The following CDH18 variants were observed in gnomAD, a reference collection of about 807,000 sequenced individuals.
CDH18 encodes the protein cadherin-18.
A neutral mutation model predicts 67.9 loss-of-function variants in CDH18; 31 were observed. That is an observed-to-expected ratio of 0.46 (90% confidence interval 0.34 to 0.62). The LOEUF (loss-of-function observed/expected upper bound fraction) is 0.62, where lower values mean the gene tolerates loss of function less well. Among genes scored for constraint, CDH18 ranks in the 20% least tolerant of loss-of-function variants. The pLI, the probability that CDH18 is intolerant of heterozygous loss-of-function variation, is 0.01. For missense variants in CDH18, 890 were observed against 975.5 expected (o/e 0.91, Z 1.17); for synonymous variants, 362 against 347.2 (o/e 1.04, Z -0.48).
At chr5:19,499,922 T>G (rs1001959288) in intron 11 of CDH18, among the ~76,000 whole-genome samples, 25 of 152,198 alleles carry the variant, frequency 1.6e-4, no homozygotes, top group African/African-American at 5.8e-4. Context: ...GGGCTATGTC[T>G]GATTTCTGTT....
intron 8 of CDH18, among the ~76,000 whole-genome samples, chr5:19,558,979 C>G (rs75980691): frequency 0.012 from 1,803 of 151,962 alleles, 30 homozygotes; most frequent in African/African-American, 0.04. Flanking sequence ...TTACTATGAA[C>G]AAAGTTGTTC....
chr5:20,024,060 T>C (rs1439075804), intron 2 of CDH18, among the ~76,000 whole-genome samples: 2 of 152,200 alleles, frequency 1.3e-5, no homozygotes, highest in Non-Finnish European at 2.9e-5. Flanking sequence ...GTTAAACAAA[T>C]GAATTCACCA....
At position 20,536,478 on chromosome 5, in the gene CDH18, T is replaced by C. The variant is rs139604195; in HGVS notation, c.-580+38984A>G. Among the ~76,000 whole-genome samples, 116 of 152,252 alleles carry C rather than the reference T, an allele frequency of 7.6e-4. 1 individual carries two copies. Among genetic ancestry groups the C allele is most frequent in the East Asian group, 6.8e-3 (35 of 5,180 alleles). ...TTGCTCAAATAATGGATTTGCACAG[T>C]ATTTTGACAAGAATAAACTTCCCTC... On this transcript the variant is annotated intron_variant, in intron 1 of 14. Transcript: ENST00000507958.
In CDH18 at chr5:20,303,884, C is replaced by T. The variant is rs567446480; in HGVS notation, c.-579-48379G>A. The stretch of plus-strand genomic sequence containing the variant: ...GAAGGGAGAGTGCGGTTTCTTGACA[C>T]TTAACATTTAAAGGTTTTATTGGCC... On this transcript the variant is annotated intron_variant, in intron 1 of 14. Transcript: ENST00000507958. Among the ~76,000 whole-genome samples the T allele has an allele frequency of 1.4e-4, 21 of 152,308 alleles. 1 individual carries two copies. The highest frequency in any genetic ancestry group is 5.1e-4 in the African/African-American group (21 of 41,564).
intron 12 of CDH18, among the ~76,000 whole-genome samples, chr5:19,476,599 C>A (rs1738509891): frequency 6.6e-6 from 1 of 152,040 alleles, no homozygotes; most frequent in African/African-American, 2.4e-5. Flanking sequence ...ATTTATCATG[C>A]ACGATATATA....
At chr5:19,909,590 C>T (rs1046473512) in intron 2 of CDH18, among the ~76,000 whole-genome samples, 2 of 151,888 alleles carry the variant, frequency 1.3e-5, no homozygotes, top group Non-Finnish European at 2.9e-5. Flanking sequence ...CCCAGCCAGC[C>T]ACTTCTGCTA....
At chr5:20,208,973 A>G (rs1740135897) in intron 2 of CDH18, among the ~76,000 whole-genome samples, 1 of 152,244 alleles carries the variant, frequency 6.6e-6, no homozygotes, top group African/African-American at 2.4e-5. Context: ...GAAGACATAC[A>G]AGTGGCAACA....
chr5:20,452,571 G>T (rs1046114650), intron 1 of CDH18, among the ~76,000 whole-genome samples: 1 of 152,000 alleles, frequency 6.6e-6, no homozygotes, highest in East Asian at 1.9e-4. Context: ...CAACATGGAC[G>T]CCAAGATGGG....
At chr5:20,462,608 C>A (rs111743473) in intron 1 of CDH18, among the ~76,000 whole-genome samples, 208 of 152,068 alleles carry the variant, frequency 1.4e-3, no homozygotes, top group African/African-American at 4.9e-3. Flanking sequence ...ATTTTTTATC[C>A]CATATATATG....
chr5:19,612,661 C>A, intron 5 of CDH18, 60 bp from the exon 6 acceptor site: 1 of 1,179,940 alleles, frequency 8.5e-7, no homozygotes. Context: ...TATCAACAAA[C>A]ATACACATAC....
At chr5:20,255,337 GACA>G (rs1376462382) in intron 2 of CDH18, 2 of 152,064 alleles carry the variant, frequency 1.3e-5, no homozygotes, top group African/African-American at 4.8e-5. Flanking sequence ...GAGAAATTAT[GACA>G]ACAATTTTGA....
At chr5:20,447,902 T>A (rs1015600005) in intron 1 of CDH18, among the ~76,000 whole-genome samples, 33 of 152,228 alleles carry the variant, frequency 2.2e-4, no homozygotes, top group African/African-American at 5.8e-4. Context: ...TTATTTTTTT[T>A]AATATTTCTT....
intron 1 of CDH18, among the ~76,000 whole-genome samples, chr5:20,475,288 T>C (rs903757268): frequency 9.2e-5 from 14 of 151,986 alleles, no homozygotes; most frequent in Non-Finnish European, 1.9e-4. Flanking sequence ...ATTTGCTGAT[T>C]TTTTTTTATG....
At chr5:19,647,751 A>G (rs1366443720) in intron 5 of CDH18, among the ~76,000 whole-genome samples, 1 of 151,622 alleles carries the variant, frequency 6.6e-6, no homozygotes, top group Non-Finnish European at 1.5e-5. Flanking sequence ...CTTCATACTC[A>G]CCCTGCGTTT....
chr5:20,442,950 C>G (rs549374395), intron 1 of CDH18, among the ~76,000 whole-genome samples: 1 of 151,708 alleles, frequency 6.6e-6, no homozygotes, highest in African/African-American at 2.4e-5. Context: ...TGGCTCACGC[C>G]TGTAATCCCA....
chr5:19,900,326 T>C (rs556522166), intron 2 of CDH18, among the ~76,000 whole-genome samples: 1 of 152,288 alleles, frequency 6.6e-6, no homozygotes, highest in Non-Finnish European at 1.5e-5. Flanking sequence ...TTCTATTGCA[T>C]AGTAGTATGA....
intron 3 of CDH18, among the ~76,000 whole-genome samples, chr5:19,810,882 G>C (rs1341528000): frequency 1.3e-5 from 2 of 151,820 alleles, no homozygotes; most frequent in Non-Finnish European, 2.9e-5. Context: ...AATTAGCCAG[G>C]TATGGTGGCA....
chr5:20,368,875 C>A (rs1742737866), intron 1 of CDH18, among the ~76,000 whole-genome samples: 1 of 152,090 alleles, frequency 6.6e-6, no homozygotes, highest in Non-Finnish European at 1.5e-5. Context: ...ATAGGTAGAG[C>A]CTCAATGACA....
At chr5:20,388,402 T>A (rs1319822867) in intron 1 of CDH18, among the ~76,000 whole-genome samples, 1 of 150,498 alleles carries the variant, frequency 6.6e-6, no homozygotes, top group Non-Finnish European at 1.5e-5. Context: ...TTCTATGGGA[T>A]CGGTGGTGAT....
Sources: allele counts gnomAD v4.1 joint callset (sites outside exome capture counted in the v4.1 genomes callset), GRCh38; gene constraint gnomAD v4.1.1; transcripts MANE v1.5; gene names NCBI Gene and HGNC (gene_info 2026-07-23, HGNC 2026-07-21).